B3GNT2: variants seen among roughly 807,000 people sequenced by gnomAD.
B3GNT2 encodes N-acetyllactosaminide beta-1,3-N-acetylglucosaminyltransferase 2.
B3GNT2 carries 12 observed loss-of-function variants against 27.6 expected under a neutral mutation model. That is an observed-to-expected ratio of 0.44 (90% CI 0.28 to 0.71). The LOEUF is 0.71. B3GNT2 is among the 30% of genes least tolerant of loss of function. B3GNT2 has a pLI of 0.17. For synonymous variants in B3GNT2, 192 were observed against 189.7 expected (o/e 1.01, Z -0.10); for missense variants, 413 against 488.5 (o/e 0.85, Z 1.46).
intron 1 of B3GNT2, among the ~76,000 whole-genome samples, chr2:62,213,136 C>T (rs1187499004): frequency 6.6e-6 from 1 of 152,076 alleles, no homozygotes; most frequent in African/African-American, 2.4e-5. Context: ...CATGAGGAGA[C>T]CTCGTCTCTA....
At chr2:62,199,138 A>G (rs1674213450) in intron 1 of B3GNT2, among the ~76,000 whole-genome samples, 1 of 152,124 alleles carries the variant, frequency 6.6e-6, no homozygotes, top group African/African-American at 2.4e-5. Flanking sequence ...ACAGGGTTTC[A>G]CTGTGTTGGC....
chr2:62,212,134 G>T (rs897426324), intron 1 of B3GNT2, among the ~76,000 whole-genome samples: 5 of 151,996 alleles, frequency 3.3e-5, no homozygotes, highest in African/African-American at 1.2e-4. Flanking sequence ...TTTTTTCTTT[G>T]CCTTTTGTAA....
rs547861725 is a variant in B3GNT2 at position 62,223,255 on chromosome 2, C to T, written c.1035C>T (p.Leu345=). 155 of 1,614,152 alleles carry T rather than the reference C, an allele frequency of 9.6e-5. 1 individual carries two copies. The East Asian group carries it at 2.8e-3, about 29-fold the overall frequency. Residue 345 remains leucine (L), a synonymous_variant, in exon 2 of 2, where the codon CTC becomes CTT. Coordinates refer to ENST00000301998, the MANE Select transcript of B3GNT2 (RefSeq NM_006577.6). ...GAATGTGCCTTCAGAAACTCGGCCT[C>T]GTTCCAGAGAAACACAAAGGCTTCA... The part of the protein sequence containing the change: ...YTGMCLQKLG[L]VPEKHKGFRT...
chr2:62,207,790 C>G (rs1187498954), intron 1 of B3GNT2, among the ~76,000 whole-genome samples: 1 of 152,212 alleles, frequency 6.6e-6, no homozygotes, highest in Non-Finnish European at 1.5e-5. Flanking sequence ...TCACCACCAG[C>G]TGTGTGGCCC....
chr2:62,198,504 C>G (rs7579573), intron 1 of B3GNT2, among the ~76,000 whole-genome samples: 56,521 of 152,094 alleles, frequency 0.37, 12,202 homozygotes, highest in African/African-American at 0.6. Context: ...TTTTAGATTT[C>G]CCTGTCTGAG....
intron 1 of B3GNT2, among the ~76,000 whole-genome samples, chr2:62,219,622 A>T (rs1436487340): frequency 2.0e-5 from 3 of 152,266 alleles, no homozygotes; most frequent in African/African-American, 7.2e-5. Context: ...TCACCATCAC[A>T]CATTTCCTGT....
At chr2:62,211,463 A>G (rs2104199360) in intron 1 of B3GNT2, among the ~76,000 whole-genome samples, 1 of 152,162 alleles carries the variant, frequency 6.6e-6, no homozygotes, top group Non-Finnish European at 1.5e-5. Context: ...CTGTGAACTG[A>G]ATCTGCTTTA....
chr2:62,199,376 A>C (rs1674218417), intron 1 of B3GNT2, among the ~76,000 whole-genome samples: 1 of 152,212 alleles, frequency 6.6e-6, no homozygotes, highest in African/African-American at 2.4e-5. Flanking sequence ...TGGATGTAGT[A>C]TTTGACTGTA....
chr2:62,222,620 C>A lies in B3GNT2; in HGVS notation c.400C>A (p.Gln134Lys), dbSNP rs1422255295. The change falls in exon 2 of 2, where the codon CAG becomes AAG. Residue 134 changes from glutamine to lysine, a missense_variant. Transcript: ENST00000301998. This position sits in a 1 kb window ranked among gnomAD's most constrained non-coding sequence, Gnocchi z 4.2. ...CCGCAATTATTCACTGCTTATAGAT[C>A]AGCCGGATAAGTGTGCAAAGAAACC... ...RCRNYSLLID[Q>K]PDKCAKKPFL... 1 of 1,614,222 alleles carries A rather than the reference C, an allele frequency of 6.2e-7. No individual in the cohort carries two copies.
intron 1 of B3GNT2, among the ~76,000 whole-genome samples, chr2:62,213,661 C>T (rs191236869): frequency 4.0e-4 from 61 of 152,290 alleles, no homozygotes; most frequent in Admixed American, 2.2e-3. Flanking sequence ...CCCACCCTCA[C>T]GTCTAACATG....
At chr2:62,210,884 G>A (rs1674469962) in intron 1 of B3GNT2, among the ~76,000 whole-genome samples, 1 of 152,168 alleles carries the variant, frequency 6.6e-6, no homozygotes, top group Non-Finnish European at 1.5e-5. Flanking sequence ...TTGGTGGGAG[G>A]TTAAGGGTGA....
At position 62,223,228 on chromosome 2, in the gene B3GNT2, T is replaced by A. The variant is rs758067651; in HGVS notation, c.1008T>A (p.Thr336=). ...VHLYPIDDVY[T]GMCLQKLGLV... is the part of the protein sequence containing the mutation. ...TCTACCCCATTGATGACGTTTATAC[T>A]GGAATGTGCCTTCAGAAACTCGGCC... is the stretch of plus-strand genomic sequence containing the variant. The change falls in exon 2 of 2, where the codon ACT becomes ACA. Residue 336 remains threonine (T), a synonymous_variant. Transcript: ENST00000301998. The A allele has an allele frequency of 6.8e-6, 11 of 1,614,078 alleles. No homozygotes were observed. In the South Asian group the frequency reaches 1.2e-4, roughly 18 times the overall value.
At chr2:62,220,673 G>A (rs1255401154) in intron 1 of B3GNT2, among the ~76,000 whole-genome samples, 5 of 152,202 alleles carry the variant, frequency 3.3e-5, no homozygotes, top group Admixed American at 6.5e-5. Context: ...TTCTTTAAAT[G>A]TGTACCTCCT....
chr2:62,203,349 T>G (rs1003266324), intron 1 of B3GNT2, among the ~76,000 whole-genome samples: 1 of 152,062 alleles, frequency 6.6e-6, no homozygotes, highest in Non-Finnish European at 1.5e-5. Context: ...TATTGGGGCA[T>G]TTTTTAGCAT....
At chr2:62,216,525 C>A (rs1358454415) in intron 1 of B3GNT2, among the ~76,000 whole-genome samples, 1 of 152,044 alleles carries the variant, frequency 6.6e-6, no homozygotes, top group Non-Finnish European at 1.5e-5. Flanking sequence ...CCCACCTCAG[C>A]CTCCTGAGTG....
chr2:62,197,607 C>T (rs956167166), intron 1 of B3GNT2, among the ~76,000 whole-genome samples: 2 of 152,204 alleles, frequency 1.3e-5, no homozygotes, highest in African/African-American at 2.4e-5. Flanking sequence ...GGAACCCTAC[C>T]GTAATATCCG....
At position 62,222,480 on chromosome 2, in the gene B3GNT2, T is replaced by C. The variant is rs1356010941; in HGVS notation, c.260T>C (p.Leu87Pro). 1 of 1,613,938 alleles carries C rather than the reference T, an allele frequency of 6.2e-7. No homozygotes were observed. Among genetic ancestry groups the C allele is most frequent in the Non-Finnish European group, 8.5e-7 (1 of 1,179,990 alleles). Reference protein sequence around the residue: ...LTNQTGEAGRLSNISHLNYCE... With the variant: ...LTNQTGEAGRPSNISHLNYCE... ...AACCAGACGGGGGAGGCGGGCAGGCTCTCCAATATAAGCCATCTGAACTAC... is the reference window on the plus strand; with the variant it reads ...AACCAGACGGGGGAGGCGGGCAGGCCCTCCAATATAAGCCATCTGAACTAC... The change falls in exon 2 of 2, where the codon CTC becomes CCC. Residue 87 changes from leucine to proline, a missense_variant. Leu to Pro is a moderately conservative substitution (Grantham distance 98). Transcript: ENST00000301998. This position sits in a 1 kb window ranked among gnomAD's most constrained non-coding sequence, Gnocchi z 4.2.
intron 1 of B3GNT2, among the ~76,000 whole-genome samples, chr2:62,202,244 A>G (rs1319018148): frequency 6.6e-6 from 1 of 152,200 alleles, no homozygotes; most frequent in East Asian, 1.9e-4. Context: ...TAAGCCAATT[A>G]TGTGTTGGAG....
rs754971906 is a variant in B3GNT2, at chr2:62,222,300, T to G, written c.80T>G (p.Val27Gly). The change falls in exon 2 of 2, where the codon GTC (valine) becomes GGC (glycine). Residue 27 changes from valine to glycine, a missense_variant. By Grantham distance (109) the Val-to-Gly change is moderately radical. Transcript: ENST00000301998. The surrounding 1 kb of genome is among the most constrained non-coding windows in gnomAD (Gnocchi z 4.2). ...GTCTTCATTTATTTTATTATGGAAG[T>G]CTCCAAAAGCAGTAGCCAAGAAAAA... ...ANVFIYFIME[V>G]SKSSSQEKNG... 1.9e-6 allele frequency: 3 copies of G among 1,613,614 alleles called. No homozygotes were observed. In the African/African-American group the frequency reaches 4.0e-5, roughly 22 times the overall value.
Sources: allele counts gnomAD v4.1 joint callset (sites outside exome capture counted in the v4.1 genomes callset), GRCh38; gene constraint gnomAD v4.1.1; non-coding constraint Gnocchi (gnomAD v3.1); transcripts MANE v1.5; gene names NCBI Gene and HGNC (gene_info 2026-07-23, HGNC 2026-07-21).